Variants in NME7 observed in about 807,000 individuals in gnomAD.
NME7 encodes the protein NME/NM23 family member 7, also known as nucleoside diphosphate kinase 7.
In NME7, 41 loss-of-function variants were observed where a neutral mutation model predicts 49.1. The observed-to-expected ratio is 0.83, with a 90% CI of 0.65 to 1.08. NME7 has a LOEUF of 1.08. NME7 is among the 50% of genes least tolerant of loss of function. The probability of loss-of-function intolerance (pLI) is 0.00; values close to 1 mark genes in which losing one functional copy is unlikely to be tolerated. For synonymous variants in NME7, 139 were observed against 150.6 expected, an observed-to-expected ratio of 0.92 and a Z score of 0.56; for missense variants, 423 against 463.4, an observed-to-expected ratio of 0.91 and a Z score of 0.80.
intron 1 of NME7, among the ~76,000 whole-genome samples, chr1:169,329,291 T>C (rs886386543): frequency 9.9e-5 from 15 of 151,720 alleles, no homozygotes; most frequent in African/African-American, 3.6e-4. Flanking sequence ...AAATATTTTA[T>C]GAAAAAGTTC....
chr1:169,191,706 A>T (rs1660235190), intron 10 of NME7, among the ~76,000 whole-genome samples: 1 of 152,216 alleles, frequency 6.6e-6, no homozygotes, highest in South Asian at 2.1e-4. Flanking sequence ...AAAAAAAGAT[A>T]TCTAACATCT....
intron 1 of NME7, among the ~76,000 whole-genome samples, chr1:169,360,565 C>T (rs1653617542): frequency 6.6e-6 from 1 of 152,162 alleles, no homozygotes; most frequent in South Asian, 2.1e-4. Context: ...TCCAGCTGTC[C>T]TCTCATTCCC....
intron 10 of NME7, among the ~76,000 whole-genome samples, chr1:169,222,344 CAGT>C (rs1286064254): frequency 1.3e-5 from 2 of 152,108 alleles, no homozygotes; most frequent in East Asian, 1.9e-4. Flanking sequence ...GCCTGGCACA[CAGT>C]AGGCACTCAA....
intron 10 of NME7, among the ~76,000 whole-genome samples, chr1:169,215,811 T>C (rs973448090): frequency 6.6e-6 from 1 of 152,194 alleles, no homozygotes; most frequent in African/African-American, 2.4e-5. Flanking sequence ...TGTGACAATA[T>C]GAACATGGAG....
At chr1:169,367,591 A>G (rs1653926499) in intron 1 of NME7, 117 bp downstream of exon 1, 1 of 1,139,890 alleles carries the variant, frequency 8.8e-7, no homozygotes, top group Admixed American at 1.7e-5. Context: ...GGGGAAAGAG[A>G]TAACGGGGAG....
chr1:169,153,198 A>T lies in NME7; in HGVS notation c.1098+16249T>A, dbSNP rs192220939. ...AGCATATAAAATGGAGATAATAGAA[A>T]CTATTCAACAGAGTTTTTAGGTAAT... On this transcript the variant is annotated intron_variant, in intron 11 of 11. Transcript: ENST00000367811. Among the ~76,000 whole-genome samples, 20 of 151,962 alleles carry T rather than the reference A, an allele frequency of 1.3e-4. No individual in the cohort carries two copies. In the East Asian group the frequency reaches 3.8e-3, roughly 29 times the overall value.
Position 169,362,835 on chromosome 1 carries a change from C to T in NME7, c.3+4873G>A, listed in dbSNP as rs145687311. 2.4e-4 allele frequency among the ~76,000 whole-genome samples: 37 copies of T among 152,244 alleles called. No individual in the cohort carries two copies. The East Asian group carries it at 6.2e-3, about 25-fold the overall frequency. ...AAATTTTACTCTAGCCAATTTTAGG[C>T]TTTCGTTAATTCAAAGCTGTATCTG... On this transcript the variant is annotated intron_variant, in intron 1 of 11. Coordinates refer to ENST00000367811, the MANE Select transcript of NME7 (RefSeq NM_013330.5).
chr1:169,324,654 T>A (rs1179922874), intron 1 of NME7, among the ~76,000 whole-genome samples, 154 bp from the exon 2 acceptor site: 1 of 152,254 alleles, frequency 6.6e-6, no homozygotes, highest in African/African-American at 2.4e-5. Context: ...GTATCAGTTA[T>A]CAACACACCC....
intron 10 of NME7, among the ~76,000 whole-genome samples, chr1:169,211,854 T>C (rs552974458): frequency 1.5e-4 from 23 of 152,322 alleles, no homozygotes; most frequent in East Asian, 3.9e-4. Context: ...CAGGAAAAGA[T>C]TGCCGTTGAT....
chr1:169,196,144 C>A (rs962516760), intron 10 of NME7, among the ~76,000 whole-genome samples: 1 of 152,148 alleles, frequency 6.6e-6, no homozygotes, highest in African/African-American at 2.4e-5. Flanking sequence ...TTACTGTTAT[C>A]CAAAGGCATA....
At chr1:169,148,061 G>A (rs1329383775) in intron 11 of NME7, among the ~76,000 whole-genome samples, 4 of 151,832 alleles carry the variant, frequency 2.6e-5, no homozygotes, top group African/African-American at 4.8e-5. Context: ...GGAGTGCAGT[G>A]CTTTGATCTC....
At chr1:169,275,146 G>A (rs1649653733) in intron 7 of NME7, among the ~76,000 whole-genome samples, 1 of 131,682 alleles carries the variant, frequency 7.6e-6, no homozygotes, top group East Asian at 2.0e-4. Flanking sequence ...ATTTCACTGA[G>A]CAATGGTTTG....
intron 10 of NME7, among the ~76,000 whole-genome samples, chr1:169,217,123 G>A (rs1660993780): frequency 6.6e-6 from 1 of 152,030 alleles, no homozygotes; most frequent in Non-Finnish European, 1.5e-5. Context: ...ATAAACCAGA[G>A]AGAAATATAT....
At chr1:169,335,753 A>AAATATATATT (rs1652439279) in intron 1 of NME7, among the ~76,000 whole-genome samples, 1 of 147,196 alleles carries the variant, frequency 6.8e-6, no homozygotes, top group Non-Finnish European at 1.5e-5. Context: ...ATACTTTTAT[A>AAATATATATT]TATTAAATAT....
At chr1:169,264,839 A>C (rs879850507) in intron 7 of NME7, among the ~76,000 whole-genome samples, 5 of 132,962 alleles carry the variant, frequency 3.8e-5, no homozygotes, top group Admixed American at 2.2e-4. Flanking sequence ...GTCCGTACTC[A>C]TGCTGCTAAT....
chr1:169,333,339 G>A (rs1479386626), intron 1 of NME7, among the ~76,000 whole-genome samples: 1 of 152,110 alleles, frequency 6.6e-6, no homozygotes, highest in Admixed American at 6.6e-5. Context: ...TAGGGAAGGT[G>A]GGGGTGAATA....
chr1:169,361,873 T>A (rs553161335), intron 1 of NME7, among the ~76,000 whole-genome samples: 23 of 152,196 alleles, frequency 1.5e-4, no homozygotes, highest in Admixed American at 3.3e-4. Context: ...TTTCATTTCA[T>A]GGAATAAAAT....
At chr1:169,196,169 G>T (rs996876533) in intron 10 of NME7, among the ~76,000 whole-genome samples, 1 of 152,186 alleles carries the variant, frequency 6.6e-6, no homozygotes, top group Non-Finnish European at 1.5e-5. Context: ...AGCTAAATTT[G>T]CTGGAAGAAT....
chr1:169,232,251 G>A (rs982676195), intron 9 of NME7, among the ~76,000 whole-genome samples: 1 of 151,844 alleles, frequency 6.6e-6, no homozygotes, highest in Non-Finnish European at 1.5e-5. Context: ...ACATTCAATA[G>A]AAACTATTCA....
Sources: allele counts gnomAD v4.1 joint callset (sites outside exome capture counted in the v4.1 genomes callset), GRCh38; gene constraint gnomAD v4.1.1; transcripts MANE v1.5; gene names NCBI Gene and HGNC (gene_info 2026-07-23, HGNC 2026-07-21).